The following MYO16 variants were observed in gnomAD, a reference collection of about 807,000 sequenced individuals.
The protein encoded by MYO16 is myosin XVI, also known as unconventional myosin-XVI.
Under a neutral mutation model 205.3 loss-of-function variants are expected in MYO16, and 94 were observed. The ratio of observed to expected loss-of-function variants is 0.46; its 90% confidence interval spans 0.39 to 0.54. MYO16 has a LOEUF of 0.54. Among genes scored for constraint, MYO16 ranks in the 20% least tolerant of loss-of-function variants. The pLI, the probability that MYO16 is intolerant of heterozygous loss-of-function variation, is 0.00. For synonymous variants in MYO16, 988 were observed against 954.0 expected, an observed-to-expected ratio of 1.04 and a Z score of -0.66; for missense variants, 2,315 against 2,387.5, an observed-to-expected ratio of 0.97 and a Z score of 0.63.
chr13:109,185,136 A>G (rs1879630478), intron 34 of MYO16, among the ~76,000 whole-genome samples: 1 of 152,302 alleles, frequency 6.6e-6, no homozygotes, highest in East Asian at 1.9e-4. Flanking sequence ...TAGATGGGAA[A>G]CCTGCAGTTA....
chr13:108,825,663 T>C (rs1195550665), intron 9 of MYO16, among the ~76,000 whole-genome samples: 2 of 151,940 alleles, frequency 1.3e-5, no homozygotes, highest in African/African-American at 4.8e-5. Flanking sequence ...TCAGATGACA[T>C]AATCTTGTGT....
intron 1 of MYO16, among the ~76,000 whole-genome samples, chr13:108,650,178 A>ATTTT: frequency 6.6e-6 from 1 of 151,886 alleles, no homozygotes; most frequent in South Asian, 2.1e-4. Context: ...AAAATCATGC[A>ATTTT]TTTTTTTCAG....
chr13:109,206,707 G>T lies in MYO16; in HGVS notation c.5514G>T (p.Gln1838His). ...RKLCEEGQDW[Q>H]QILHHAEPRV... is the part of the protein sequence containing the mutation. ...TCTGTGAGGAAGGACAAGACTGGCA[G>T]CAGATCCTGCACCACGCTGAGCCCA... The change falls in exon 35 of 35, where the codon CAG (glutamine) becomes CAT (histidine). Residue 1838 changes from glutamine (Q) to histidine (H), a missense_variant. Coordinates refer to ENST00000457511, the MANE Select transcript of MYO16 (RefSeq NM_001198950.3). 2 of 1,614,170 alleles carry T rather than the reference G, an allele frequency of 1.2e-6. No individual in the cohort carries two copies. The highest frequency in any genetic ancestry group is 1.7e-6 in the Non-Finnish European group (2 of 1,180,012).
chr13:108,791,458 T>G (rs12585975), intron 5 of MYO16, among the ~76,000 whole-genome samples: 17,882 of 152,218 alleles, frequency 0.12, 1,222 homozygotes, highest in East Asian at 0.24. Context: ...TAAATACATA[T>G]TATATGTTTT....
chr13:108,708,063 G>A lies in MYO16; in HGVS notation c.293-4598G>A, dbSNP rs1483985758. ...ATTATTACAATTTCACAGAGGGTGAGGGGGTGATAATAAAAAACAGATTGA... is the reference window on the plus strand; with the variant it reads ...ATTATTACAATTTCACAGAGGGTGAAGGGGTGATAATAAAAAACAGATTGA... On this transcript the variant is annotated intron_variant, in intron 2 of 34. Transcript: ENST00000457511. Among the ~76,000 whole-genome samples the A allele has an allele frequency of 7.2e-5, 11 of 152,144 alleles. No homozygotes were observed. In the South Asian group the frequency reaches 2.3e-3, roughly 32 times the overall value.
chr13:108,545,051 A>G, the MYO16 span, among the ~76,000 whole-genome samples: 1 of 151,418 alleles, frequency 6.6e-6, no homozygotes, highest in East Asian at 2.0e-4. Flanking sequence ...CAGGTTTCTG[A>G]TACAGGTAAA....
chr13:109,197,506 C>G (rs972139583), intron 34 of MYO16, among the ~76,000 whole-genome samples: 2 of 152,118 alleles, frequency 1.3e-5, no homozygotes, highest in Non-Finnish European at 2.9e-5. Context: ...TTTAAACTCT[C>G]TAAGCAAGTA....
At chr13:109,098,579 A>AATACC (rs1295543580) in intron 27 of MYO16, among the ~76,000 whole-genome samples, 2 of 152,162 alleles carry the variant, frequency 1.3e-5, no homozygotes, top group African/African-American at 2.4e-5. Flanking sequence ...CCTGTTGACC[A>AATACC]ATACCGGCTG....
chr13:108,927,426 C>A (rs1453140383), intron 16 of MYO16, among the ~76,000 whole-genome samples: 1 of 152,104 alleles, frequency 6.6e-6, no homozygotes, highest in Non-Finnish European at 1.5e-5. Context: ...GAGCCAGGCA[C>A]TGGGACTTGC....
chr13:109,183,922 T>A (rs988567543), intron 34 of MYO16, among the ~76,000 whole-genome samples: 5 of 152,216 alleles, frequency 3.3e-5, no homozygotes, highest in Non-Finnish European at 7.3e-5. Flanking sequence ...TGGTTTGCTT[T>A]ACTGAATGAT....
intron 4 of MYO16, among the ~76,000 whole-genome samples, chr13:108,729,527 T>C (rs1352225430): frequency 1.3e-5 from 2 of 152,154 alleles, no homozygotes; most frequent in Non-Finnish European, 2.9e-5. Context: ...CTTGTTTTAA[T>C]TTTTTTCAAA....
chr13:108,640,909 CT>C (rs2139377868), intron 1 of MYO16, among the ~76,000 whole-genome samples: 1 of 152,344 alleles, frequency 6.6e-6, no homozygotes, highest in African/African-American at 2.4e-5. Context: ...TTAAGAGTGA[CT>C]GTTCTGTCAA....
the MYO16 span, among the ~76,000 whole-genome samples, chr13:108,581,278 T>A: frequency 6.6e-6 from 1 of 152,178 alleles, no homozygotes; most frequent in Admixed American, 6.5e-5. Context: ...TAGAACCATA[T>A]CCTGGTAATG....
intron 31 of MYO16, among the ~76,000 whole-genome samples, chr13:109,136,909 C>G (rs1376387410): frequency 6.6e-6 from 1 of 152,206 alleles, no homozygotes; most frequent in Non-Finnish European, 1.5e-5. Context: ...ATGTAACAAA[C>G]CTCTCCAACT....
Position 109,127,592 on chromosome 13 carries a change from C to G in MYO16, c.4051+42C>G, listed in dbSNP as rs926027182. The G allele has an allele frequency of 5.0e-6, 8 of 1,590,072 alleles. No individual in the cohort carries two copies. The Admixed American group carries it at 1.0e-4, about 20-fold the overall frequency. On this transcript the variant is annotated intron_variant, in intron 31 of 34. Coordinates refer to ENST00000457511, the MANE Select transcript of MYO16 (RefSeq NM_001198950.3). This position sits in a 1 kb window ranked among gnomAD's most constrained non-coding sequence, Gnocchi z 4.2. ...GACCCAGCCTCGTGTTCCGGGCTCGCGCATGCTCTGACTTCGCCTTGGGGC... is the reference window on the plus strand; with the variant it reads ...GACCCAGCCTCGTGTTCCGGGCTCGGGCATGCTCTGACTTCGCCTTGGGGC...
chr13:108,538,166 G>A, the MYO16 span, among the ~76,000 whole-genome samples: 2 of 152,018 alleles, frequency 1.3e-5, no homozygotes, highest in South Asian at 4.1e-4. Context: ...ATATATTTAT[G>A]TATGGGAGAT....
intron 31 of MYO16, among the ~76,000 whole-genome samples, chr13:109,138,492 T>C (rs1876882461): frequency 6.6e-6 from 1 of 152,204 alleles, no homozygotes; most frequent in Non-Finnish European, 1.5e-5. Flanking sequence ...TTTGACTTAA[T>C]TTTCAATTGT....
At chr13:108,957,564 G>C in intron 16 of MYO16, 124 bp from the exon 17 acceptor site, 1 of 623,834 alleles carries the variant, frequency 1.6e-6, no homozygotes, top group Non-Finnish European at 3.0e-6. Context: ...TTGAAAACAC[G>C]TGGGGACACC....
intron 9 of MYO16, among the ~76,000 whole-genome samples, chr13:108,835,702 G>C (rs1256780187): frequency 6.6e-6 from 1 of 152,184 alleles, no homozygotes; most frequent in Non-Finnish European, 1.5e-5. Flanking sequence ...GGTGGTCTCA[G>C]ATGGAGATGA....
Sources: allele counts gnomAD v4.1 joint callset (sites outside exome capture counted in the v4.1 genomes callset), GRCh38; gene constraint gnomAD v4.1.1; non-coding constraint Gnocchi (gnomAD v3.1); transcripts MANE v1.5; gene names NCBI Gene and HGNC (gene_info 2026-07-23, HGNC 2026-07-21).